Variants in DNER observed in about 807,000 individuals in gnomAD.
DNER encodes delta/notch like EGF repeat containing, also known as delta and Notch-like epidermal growth factor-related receptor.
A neutral mutation model predicts 78.2 loss-of-function variants in DNER; 33 were observed. The observed-to-expected ratio is 0.42, with a 90% CI of 0.32 to 0.56. The LOEUF (loss-of-function observed/expected upper bound fraction) is 0.56, where lower values mean the gene tolerates loss of function less well. Ranked by LOEUF, DNER falls within the 20% of genes least tolerant of loss-of-function variation. The pLI, the probability that DNER is intolerant of heterozygous loss-of-function variation, is 0.11. For missense variants in DNER, 918 were observed against 975.3 expected (o/e 0.94, Z 0.78); for synonymous variants, 417 against 384.8 (o/e 1.08, Z -0.98).
chr2:229,487,229 T>C (rs1695295622), intron 6 of DNER, among the ~76,000 whole-genome samples: 1 of 152,184 alleles, frequency 6.6e-6, no homozygotes, highest in Non-Finnish European at 1.5e-5. Flanking sequence ...ACTTCCCTAT[T>C]CTTTAAGGGC....
Position 229,678,057 on chromosome 2 carries a change from C to G in DNER, c.276+36091G>C, listed in dbSNP as rs2154217012. 2.0e-5 allele frequency among the ~76,000 whole-genome samples: 3 copies of G among 152,314 alleles called. No homozygotes were observed. In the South Asian group the frequency reaches 6.2e-4, roughly 32 times the overall value. ...TTGTTCTAAGGCCAATTTGGGACTTCTAAACATTTTTAATGAGCTTTGTAC... is the reference window on the plus strand; with the variant it reads ...TTGTTCTAAGGCCAATTTGGGACTTGTAAACATTTTTAATGAGCTTTGTAC... On this transcript the variant is annotated intron_variant, in intron 1 of 12. Coordinates refer to ENST00000341772, the MANE Select transcript of DNER (RefSeq NM_139072.4).
chr2:229,633,912 T>C (rs1161488092), intron 1 of DNER, among the ~76,000 whole-genome samples: 1 of 152,270 alleles, frequency 6.6e-6, no homozygotes, highest in Non-Finnish European at 1.5e-5. Flanking sequence ...CACTATTTTA[T>C]TCATGCACCT....
At chr2:229,698,835 T>A (rs1050129541) in intron 1 of DNER, among the ~76,000 whole-genome samples, 10 of 152,160 alleles carry the variant, frequency 6.6e-5, no homozygotes, top group African/African-American at 2.4e-4. Context: ...ATTATCTCTC[T>A]CATTATGAGG....
chr2:229,591,305 A>G lies in DNER; in HGVS notation c.585+275T>C, dbSNP rs926473889. ...ATGACATGTTCCTTTACATGACTAC[A>G]CTGAGCTGTCTTCCCCAAAATCTAA... On this transcript the variant is annotated intron_variant, in intron 2 of 12. Coordinates refer to ENST00000341772, the MANE Select transcript of DNER (RefSeq NM_139072.4). This position sits in a 1 kb window ranked among gnomAD's most constrained non-coding sequence, Gnocchi z 4.6. Among the ~76,000 whole-genome samples the G allele has an allele frequency of 6.6e-6, 1 of 152,330 alleles. No homozygotes were observed. The highest frequency in any genetic ancestry group is 1.9e-4 in the East Asian group (1 of 5,180).
intron 7 of DNER, among the ~76,000 whole-genome samples, chr2:229,455,773 C>T (rs1694559538): frequency 6.6e-6 from 1 of 152,084 alleles, no homozygotes; most frequent in Non-Finnish European, 1.5e-5. Flanking sequence ...TTGTATGTAC[C>T]AGGCACTGTT....
Position 229,620,699 on chromosome 2 carries a change from T to TC in DNER, c.277-28812dup, listed in dbSNP as rs1339770452. ...GAGAAGTGTTATGGGCTGAATTGCA[T>TC]CCCCCCAAAATCCATATATTGAAGT... On this transcript the variant is annotated intron_variant, in intron 1 of 12. Coordinates refer to ENST00000341772, the MANE Select transcript of DNER (RefSeq NM_139072.4). 9.9e-5 allele frequency among the ~76,000 whole-genome samples: 15 copies of TC among 152,194 alleles called. No homozygotes were observed. In the East Asian group the frequency reaches 1.9e-3, roughly 20 times the overall value.
At chr2:229,655,814 A>T (rs1327287990) in intron 1 of DNER, among the ~76,000 whole-genome samples, 1 of 152,044 alleles carries the variant, frequency 6.6e-6, no homozygotes, top group Non-Finnish European at 1.5e-5. Flanking sequence ...GGAAGAAGAG[A>T]AAGGAAGGGA....
At chr2:229,436,576 T>C (rs935269513) in intron 8 of DNER, among the ~76,000 whole-genome samples, 3 of 152,024 alleles carry the variant, frequency 2.0e-5, no homozygotes, top group Admixed American at 1.3e-4. Flanking sequence ...CAAAGTGAAC[T>C]CCATCAGACT....
At chr2:229,575,310 A>G (rs1442382898) in intron 4 of DNER, among the ~76,000 whole-genome samples, 1 of 152,156 alleles carries the variant, frequency 6.6e-6, no homozygotes, top group Non-Finnish European at 1.5e-5. Context: ...CAAATTGTAG[A>G]ATATCTGCAA....
chr2:229,628,720 C>A (rs1466599801), intron 1 of DNER, among the ~76,000 whole-genome samples: 1 of 152,158 alleles, frequency 6.6e-6, no homozygotes, highest in Non-Finnish European at 1.5e-5. Context: ...GTCATCACTG[C>A]AACCCAGCTT....
At chr2:229,378,064 C>T (rs1379481396) in intron 11 of DNER, among the ~76,000 whole-genome samples, 1 of 152,084 alleles carries the variant, frequency 6.6e-6, no homozygotes, top group Non-Finnish European at 1.5e-5. Flanking sequence ...GTCAAAATGA[C>T]ATTTCTGACT....
At chr2:229,696,503 A>G (rs1391162743) in intron 1 of DNER, among the ~76,000 whole-genome samples, 3 of 152,170 alleles carry the variant, frequency 2.0e-5, no homozygotes, top group Non-Finnish European at 4.4e-5. Context: ...GAGTGAGGCA[A>G]TTGGACCAAT....
chr2:229,467,003 C>G (rs1461272647), intron 7 of DNER, among the ~76,000 whole-genome samples: 1 of 152,064 alleles, frequency 6.6e-6, no homozygotes, highest in Non-Finnish European at 1.5e-5. Context: ...GAAAAAAAAT[C>G]ACGAAAATGA....
chr2:229,686,153 AG>A (rs1699478962), intron 1 of DNER, among the ~76,000 whole-genome samples: 1 of 152,114 alleles, frequency 6.6e-6, no homozygotes, highest in African/African-American at 2.4e-5. Flanking sequence ...ATACTTTGCC[AG>A]GGCCTCTCAA....
In DNER at chr2:229,447,483, T is replaced by C; in HGVS notation, c.1319A>G (p.Gln440Arg). 6.2e-7 allele frequency: 1 copy of C among 1,614,224 alleles called. No homozygotes were observed. Residue 440 changes from glutamine to arginine, a missense_variant, in exon 8 of 13, where the codon CAG (glutamine) becomes CGG (arginine). Coordinates refer to ENST00000341772, the MANE Select transcript of DNER (RefSeq NM_139072.4). ...KVDPCASSPC[Q>R]NNGTCYVDGV... Reference sequence around the variant, plus strand: ...GTCCACATAGCAGGTGCCGTTGTTCTGGCACGGAGACGAGGCGCAGGGGTC... The same window carrying C: ...GTCCACATAGCAGGTGCCGTTGTTCCGGCACGGAGACGAGGCGCAGGGGTC...
intron 8 of DNER, among the ~76,000 whole-genome samples, chr2:229,435,031 G>A (rs1320461775): frequency 1.3e-5 from 2 of 151,758 alleles, no homozygotes; most frequent in African/African-American, 4.8e-5. Context: ...AAAAAAAATA[G>A]CTACAAGTTC....
chr2:229,662,086 G>T (rs1699018771), intron 1 of DNER, among the ~76,000 whole-genome samples: 1 of 152,208 alleles, frequency 6.6e-6, no homozygotes, highest in South Asian at 2.1e-4. Flanking sequence ...ACTCAATTTA[G>T]TCATATTTGT....
intron 1 of DNER, among the ~76,000 whole-genome samples, chr2:229,678,959 G>A (rs973068665): frequency 3.9e-5 from 6 of 152,282 alleles, no homozygotes; most frequent in Middle Eastern, 6.8e-3. Context: ...GATGTGAGGG[G>A]CTTCCCCAAT....
At chr2:229,582,644 C>T (rs549309756) in intron 4 of DNER, among the ~76,000 whole-genome samples, 1 of 152,088 alleles carries the variant, frequency 6.6e-6, no homozygotes, top group South Asian at 2.1e-4. Context: ...ATTAATATAT[C>T]AAAGTTCTTT....
Sources: allele counts gnomAD v4.1 joint callset (sites outside exome capture counted in the v4.1 genomes callset), GRCh38; gene constraint gnomAD v4.1.1; non-coding constraint Gnocchi (gnomAD v3.1); transcripts MANE v1.5; gene names NCBI Gene and HGNC (gene_info 2026-07-23, HGNC 2026-07-21).